Variants in CHST8 observed in about 807,000 individuals in gnomAD.
The protein encoded by CHST8 is GALNAC-4-ST1.
In CHST8, 10 loss-of-function variants were observed where a neutral mutation model predicts 15.0. The observed-to-expected ratio is 0.67, with a 90% CI of 0.41 to 1.13. The LOEUF (loss-of-function observed/expected upper bound fraction) is 1.13, where lower values mean the gene tolerates loss of function less well. Among genes scored for constraint, CHST8 ranks in the 50% most tolerant of loss-of-function variants. The pLI, the probability that CHST8 is intolerant of heterozygous loss-of-function variation, is 0.00. For missense variants in CHST8, 634 were observed against 608.2 expected, an observed-to-expected ratio of 1.04 and a Z score of -0.45; for synonymous variants, 259 against 256.6, an observed-to-expected ratio of 1.01 and a Z score of -0.09.
At chr19:33,720,897 T>A (rs1010194352) in intron 3 of CHST8, among the ~76,000 whole-genome samples, 3 of 152,204 alleles carry the variant, frequency 2.0e-5, no homozygotes, top group Non-Finnish European at 4.4e-5. Context: ...GAAAGCAGAG[T>A]GGCCACCAGC....
chr19:33,646,496 A>AG (rs1972358289), intron 1 of CHST8, among the ~76,000 whole-genome samples: 1 of 152,226 alleles, frequency 6.6e-6, no homozygotes, highest in Non-Finnish European at 1.5e-5. Context: ...CTACAGGAGC[A>AG]GTTGGGGATG....
At chr19:33,705,603 G>A (rs540867772) in intron 3 of CHST8, among the ~76,000 whole-genome samples, 1 of 152,326 alleles carries the variant, frequency 6.6e-6, no homozygotes, top group African/African-American at 2.4e-5. Context: ...TCTACCTGGA[G>A]ATGCGGGTGT....
chr19:33,727,789 TG>T (rs1195700441), intron 3 of CHST8, among the ~76,000 whole-genome samples: 3 of 152,264 alleles, frequency 2.0e-5, no homozygotes, highest in African/African-American at 7.2e-5. Flanking sequence ...CGTAGCGGGC[TG>T]GTGGCTGCAT....
chr19:33,639,784 CTTA>C (rs1419246124), intron 1 of CHST8, among the ~76,000 whole-genome samples: 1 of 151,970 alleles, frequency 6.6e-6, no homozygotes, highest in Non-Finnish European at 1.5e-5. Flanking sequence ...GAACAAAAAC[CTTA>C]TGATTCTAAA....
chr19:33,740,021 A>AT (rs1245629707), intron 3 of CHST8, among the ~76,000 whole-genome samples: 1 of 152,186 alleles, frequency 6.6e-6, no homozygotes, highest in East Asian at 1.9e-4. Flanking sequence ...GAGTCTTTCC[A>AT]TACTACTTTT....
chr19:33,652,414 C>T (rs1474190730), intron 1 of CHST8, among the ~76,000 whole-genome samples: 1 of 120,672 alleles, frequency 8.3e-6, no homozygotes, highest in African/African-American at 3.1e-5. Flanking sequence ...CTTGCTCTGT[C>T]ATCCAGGCTG....
intron 3 of CHST8, among the ~76,000 whole-genome samples, chr19:33,690,424 A>G (rs930792073): frequency 6.6e-6 from 1 of 152,174 alleles, no homozygotes; most frequent in Non-Finnish European, 1.5e-5. Flanking sequence ...CGCCCCCATT[A>G]TGGACGAGCA....
At chr19:33,647,229 C>T (rs1370206131) in intron 1 of CHST8, among the ~76,000 whole-genome samples, 1 of 152,110 alleles carries the variant, frequency 6.6e-6, no homozygotes, top group African/African-American at 2.4e-5. Flanking sequence ...CGCGAAGACT[C>T]CAGGGAGATG....
In CHST8 at chr19:33,757,410, G is replaced by T. The variant is rs1488576320; in HGVS notation, c.131-14003G>T. ...AAGAAGAAAGAAAGAAAGAAAGAAA[G>T]AAAGAAAGAAAGAAAGAAAGAAAGA... On this transcript the variant is annotated intron_variant, in intron 3 of 4. Transcript: ENST00000650847. Among the ~76,000 whole-genome samples, 5 of 5,900 alleles carry T rather than the reference G, an allele frequency of 8.5e-4. 1 individual carries two copies. Among genetic ancestry groups the T allele is most frequent in the African/African-American group, 2.3e-3 (5 of 2,158 alleles). The allele number at this position is 5,900 out of a possible 152,430, so 3.9% of individuals were successfully genotyped here.
rs1363442607 is a variant in CHST8, at chr19:33,772,460, C to A, written c.672C>A (p.His224Gln). 1 of 1,612,900 alleles carries A rather than the reference C, an allele frequency of 6.2e-7. No homozygotes were observed. Among genetic ancestry groups the A allele is most frequent in the Non-Finnish European group, 8.5e-7 (1 of 1,180,026 alleles). The change falls in exon 5 of 5, where the codon CAC (histidine) becomes CAA (glutamine). Residue 224 changes from histidine (H) to glutamine (Q), a missense_variant. Transcript: ENST00000650847. ...GLASSTADIQ[H>Q]NTVHYGSALK... ...CCTCGTCCACTGCCGACATCCAGCA[C>A]AACACCGTCCACTATGGCAGCGCTC...
Position 33,761,164 on chromosome 19 carries a change from G to C in CHST8, c.131-10249G>C, listed in dbSNP as rs370804320. Among the ~76,000 whole-genome samples, 35 of 152,300 alleles carry C rather than the reference G, an allele frequency of 2.3e-4. 1 individual carries two copies. The highest frequency in any genetic ancestry group is 8.2e-4 in the African/African-American group (34 of 41,562). ...AGTTCGTTCTTTCCCATTTGCAGCA[G>C]CAACCACTAGCTCTGGCTTGTTCTT... On this transcript the variant is annotated intron_variant, in intron 3 of 4. Coordinates refer to ENST00000650847, the MANE Select transcript of CHST8 (RefSeq NM_001127895.2).
chr19:33,773,308 G>T lies in CHST8; in HGVS notation c.*245G>T. ...TGAGGGAGAGGCTGAGAACTGGGCA[G>T]ACACCCCTGGAGCTCAGCCGACAGT... On this transcript the variant is annotated 3_prime_UTR_variant, in exon 5 of 5. Transcript: ENST00000650847. The T allele has an allele frequency of 1.8e-6, 1 of 548,346 alleles. No individual in the cohort carries two copies. The allele number at this position is 548,346 out of a possible 1,614,324, so 34.0% of individuals were successfully genotyped here.
intron 3 of CHST8, among the ~76,000 whole-genome samples, chr19:33,749,472 C>A (rs1474864879): frequency 6.8e-6 from 1 of 146,868 alleles, no homozygotes; most frequent in Admixed American, 6.9e-5. Context: ...ACCAACCAAC[C>A]ACCAATCTCA....
At chr19:33,705,831 A>T (rs1287894292) in intron 3 of CHST8, among the ~76,000 whole-genome samples, 1 of 152,104 alleles carries the variant, frequency 6.6e-6, no homozygotes, top group East Asian at 1.9e-4. Flanking sequence ...TGTCACAGCG[A>T]TGTCCCCAGT....
At chr19:33,674,710 C>A (rs1398903994) in intron 2 of CHST8, among the ~76,000 whole-genome samples, 2 of 152,116 alleles carry the variant, frequency 1.3e-5, no homozygotes, top group South Asian at 4.1e-4. Flanking sequence ...ACTCTGGAGT[C>A]CCCCCAACCA....
intron 3 of CHST8, among the ~76,000 whole-genome samples, chr19:33,756,699 A>G (rs557996735): frequency 2.6e-5 from 4 of 152,232 alleles, no homozygotes; most frequent in African/African-American, 9.6e-5. Flanking sequence ...CTAAGTTCAG[A>G]TGTCCCCACT....
chr19:33,698,979 A>T (rs1973277877), intron 3 of CHST8, among the ~76,000 whole-genome samples: 1 of 152,180 alleles, frequency 6.6e-6, no homozygotes, highest in Admixed American at 6.5e-5. Context: ...AGGGGCTGGC[A>T]GCTCTGGACT....
At chr19:33,752,922 A>G (rs892939578) in intron 3 of CHST8, among the ~76,000 whole-genome samples, 1 of 152,232 alleles carries the variant, frequency 6.6e-6, no homozygotes, top group Non-Finnish European at 1.5e-5. Flanking sequence ...TATAAAACAA[A>G]CAACAATTTT....
chr19:33,717,041 G>C (rs984613378), intron 3 of CHST8, among the ~76,000 whole-genome samples: 1 of 152,132 alleles, frequency 6.6e-6, no homozygotes, highest in Non-Finnish European at 1.5e-5. Context: ...TTTGATACCG[G>C]TGGGCTGGGG....
Sources: allele counts gnomAD v4.1 joint callset (sites outside exome capture counted in the v4.1 genomes callset), GRCh38; gene constraint gnomAD v4.1.1; transcripts MANE v1.5; gene names NCBI Gene and HGNC (gene_info 2026-07-23, HGNC 2026-07-21).